Variants in NRG3 observed in about 807,000 individuals in gnomAD.
NRG3 encodes the protein pro-neuregulin-3, membrane-bound isoform.
NRG3 carries 31 observed loss-of-function variants against 66.9 expected under a neutral mutation model. That is an observed-to-expected ratio of 0.46 (90% CI 0.35 to 0.63). NRG3 has a LOEUF of 0.63. Among genes scored for constraint, NRG3 ranks in the 20% least tolerant of loss-of-function variants. The probability of loss-of-function intolerance (pLI) is 0.00; values close to 1 mark genes in which losing one functional copy is unlikely to be tolerated. For synonymous variants in NRG3, 393 were observed against 359.4 expected, an observed-to-expected ratio of 1.09 and a Z score of -1.06; for missense variants, 910 against 878.9, an observed-to-expected ratio of 1.04 and a Z score of -0.45.
intron 3 of NRG3, among the ~76,000 whole-genome samples, chr10:82,758,968 T>A (rs2059191596): frequency 6.6e-6 from 1 of 152,036 alleles, no homozygotes; most frequent in African/African-American, 2.4e-5. Context: ...CATCTTGAAC[T>A]GCTATGCTTT....
At chr10:82,673,982 T>C (rs903204623) in intron 2 of NRG3, among the ~76,000 whole-genome samples, 3 of 152,066 alleles carry the variant, frequency 2.0e-5, no homozygotes, top group Non-Finnish European at 4.4e-5. Context: ...GGAGAATGAT[T>C]GAATTAGTCC....
At chr10:82,109,608 C>T (rs1489954761) in intron 1 of NRG3, among the ~76,000 whole-genome samples, 2 of 146,312 alleles carry the variant, frequency 1.4e-5, no homozygotes, top group Non-Finnish European at 3.0e-5. Context: ...AAATTGATTC[C>T]AATGCTCTGA....
chr10:82,391,858 G>A (rs1187259321), intron 2 of NRG3, among the ~76,000 whole-genome samples: 1 of 151,828 alleles, frequency 6.6e-6, no homozygotes, highest in African/African-American at 2.4e-5. Flanking sequence ...TTCTGCAAAA[G>A]CAGCCATACA....
chr10:82,120,150 G>A (rs891933647), intron 1 of NRG3, among the ~76,000 whole-genome samples: 2 of 152,106 alleles, frequency 1.3e-5, no homozygotes, highest in Non-Finnish European at 2.9e-5. Flanking sequence ...TCAAGATGCA[G>A]TGATATATAT....
chr10:82,353,564 C>G (rs2083567377), intron 1 of NRG3, among the ~76,000 whole-genome samples: 1 of 152,160 alleles, frequency 6.6e-6, no homozygotes, highest in Non-Finnish European at 1.5e-5. Flanking sequence ...CTCTCCCTGA[C>G]CTCCCTGGGG....
At chr10:82,592,574 G>C (rs1296698538) in intron 2 of NRG3, among the ~76,000 whole-genome samples, 2 of 152,182 alleles carry the variant, frequency 1.3e-5, no homozygotes, top group Non-Finnish European at 2.9e-5. Flanking sequence ...CCAGCACATA[G>C]CAGAGGCAGT....
At chr10:82,602,022 G>T (rs1161960335) in intron 2 of NRG3, among the ~76,000 whole-genome samples, 1 of 151,104 alleles carries the variant, frequency 6.6e-6, no homozygotes. Flanking sequence ...GTTGGAAGCT[G>T]CAGTGAGCTA....
At chr10:82,143,159 A>G (rs1194064247) in intron 1 of NRG3, among the ~76,000 whole-genome samples, 1 of 152,050 alleles carries the variant, frequency 6.6e-6, no homozygotes, top group Non-Finnish European at 1.5e-5. Flanking sequence ...GTTCCAGTTC[A>G]AGAATGCAGA....
intron 1 of NRG3, among the ~76,000 whole-genome samples, chr10:81,960,819 A>C (rs578214250): frequency 1.3e-4 from 20 of 152,144 alleles, no homozygotes; most frequent in Admixed American, 5.9e-4. Context: ...GATGAAGTTC[A>C]ACACTTCCTA....
chr10:82,623,285 T>G (rs2049169701), intron 2 of NRG3, among the ~76,000 whole-genome samples: 1 of 152,156 alleles, frequency 6.6e-6, no homozygotes, highest in South Asian at 2.1e-4. Flanking sequence ...CCTGCCAGAA[T>G]TGGTCTCTGA....
chr10:82,939,833 A>C (rs1592030019), intron 4 of NRG3, among the ~76,000 whole-genome samples: 1 of 151,592 alleles, frequency 6.6e-6, no homozygotes, highest in East Asian at 2.0e-4. Flanking sequence ...ATGAATCCCT[A>C]GGGTAAATGT....
chr10:82,060,164 A>G (rs1235605775), intron 1 of NRG3, among the ~76,000 whole-genome samples: 2 of 152,332 alleles, frequency 1.3e-5, no homozygotes, highest in Non-Finnish European at 1.5e-5. Flanking sequence ...CATTTCTCAC[A>G]GTCTGTTGCT....
chr10:81,971,260 A>G lies in NRG3; in HGVS notation c.823+95097A>G, dbSNP rs541918742. Among the ~76,000 whole-genome samples the G allele has an allele frequency of 2.0e-4, 30 of 152,318 alleles. No individual in the cohort carries two copies. The East Asian group carries it at 5.8e-3, about 29-fold the overall frequency. On this transcript the variant is annotated intron_variant, in intron 1 of 8. Transcript: ENST00000372141. ...CTTTTTATATCAAGTCAGATTTGAT[A>G]CTTCTCTCTGTTGGACATGTGGGTA... is the stretch of plus-strand genomic sequence containing the variant.
intron 1 of NRG3, among the ~76,000 whole-genome samples, chr10:82,252,328 T>G: frequency 6.6e-6 from 1 of 152,206 alleles, no homozygotes. Context: ...TCGTGCCAAG[T>G]GCTGATCTGA....
chr10:82,864,601 A>G (rs1840518740), intron 3 of NRG3, among the ~76,000 whole-genome samples: 2 of 152,252 alleles, frequency 1.3e-5, no homozygotes, highest in East Asian at 1.9e-4. Context: ...GATTAAAAAA[A>G]GAACCATTTA....
At chr10:81,952,387 G>A (rs1242415216) in intron 1 of NRG3, among the ~76,000 whole-genome samples, 1 of 152,054 alleles carries the variant, frequency 6.6e-6, no homozygotes, top group Admixed American at 6.6e-5. Context: ...GTGTGTGTGT[G>A]TATGTGTGCG....
chr10:82,107,078 T>A (rs952816924), intron 1 of NRG3, among the ~76,000 whole-genome samples: 1 of 152,202 alleles, frequency 6.6e-6, no homozygotes, highest in Non-Finnish European at 1.5e-5. Flanking sequence ...GGATAATCTA[T>A]TATTTGAAAT....
intron 2 of NRG3, among the ~76,000 whole-genome samples, chr10:82,402,638 A>C (rs2087195240): frequency 6.6e-6 from 1 of 152,182 alleles, no homozygotes; most frequent in African/African-American, 2.4e-5. Context: ...GAATTCTTTC[A>C]GTATCACTAA....
chr10:82,172,663 T>A (rs2072721151), intron 1 of NRG3, among the ~76,000 whole-genome samples: 1 of 152,126 alleles, frequency 6.6e-6, no homozygotes, highest in South Asian at 2.1e-4. Flanking sequence ...TCACACTGTG[T>A]GCATCTCTAT....
Sources: gnomAD v4.1 joint callset for allele counts (sites outside exome capture counted in the v4.1 genomes callset) on GRCh38, gnomAD v4.1.1 for gene constraint, MANE v1.5 for transcripts, NCBI Gene and HGNC (gene_info 2026-07-23, HGNC 2026-07-21) for gene names.